Variants in TCAIM observed in about 807,000 individuals in gnomAD.
TCAIM encodes the protein T-cell activation inhibitor, mitochondrial.
TCAIM carries 36 observed loss-of-function variants against 58.6 expected under a neutral mutation model. That is an observed-to-expected ratio of 0.61 (90% CI 0.47 to 0.81). TCAIM has a LOEUF of 0.81. Ranked by LOEUF, TCAIM falls within the 30% of genes least tolerant of loss-of-function variation. TCAIM has a pLI of 0.00. For missense variants in TCAIM, 466 were observed against 579.6 expected, an observed-to-expected ratio of 0.80 and a Z score of 2.01; for synonymous variants, 172 against 193.6, an observed-to-expected ratio of 0.89 and a Z score of 0.93.
chr3:44,377,417 A>G (rs1474000536), intron 5 of TCAIM, among the ~76,000 whole-genome samples: 3 of 151,642 alleles, frequency 2.0e-5, no homozygotes, highest in African/African-American at 4.9e-5. Context: ...AAGTTCTACA[A>G]TAATGGCTGG....
At chr3:44,341,778 C>A (rs930690717) in intron 1 of TCAIM, among the ~76,000 whole-genome samples, 1 of 152,122 alleles carries the variant, frequency 6.6e-6, no homozygotes, top group South Asian at 2.1e-4. Flanking sequence ...TATGCATATT[C>A]TACTTAAGCT....
At chr3:44,343,456 AGT>A (rs1700897244) in intron 1 of TCAIM, among the ~76,000 whole-genome samples, 1 of 152,264 alleles carries the variant, frequency 6.6e-6, no homozygotes, top group Non-Finnish European at 1.5e-5. Flanking sequence ...AAAAAGTAAA[AGT>A]GAAATTAATT....
intron 5 of TCAIM, among the ~76,000 whole-genome samples, chr3:44,368,459 C>T (rs1230920720): frequency 6.6e-6 from 1 of 152,160 alleles, no homozygotes; most frequent in African/African-American, 2.4e-5. Context: ...TTCCTCCTTG[C>T]TACCTAGCTA....
At chr3:44,350,604 T>G (rs1701068273) in intron 1 of TCAIM, among the ~76,000 whole-genome samples, 1 of 152,012 alleles carries the variant, frequency 6.6e-6, no homozygotes, top group African/African-American at 2.4e-5. Context: ...ACTTTTTTGT[T>G]TTTTAGAGAC....
chr3:44,362,401 A>C (rs1575249050), intron 4 of TCAIM: 1 of 400,522 alleles, frequency 2.5e-6, no homozygotes, highest in Non-Finnish European at 4.4e-6. Flanking sequence ...TTTACACCTC[A>C]CCCTCCCCCG....
chr3:44,344,228 T>A (rs1005724825), intron 1 of TCAIM, among the ~76,000 whole-genome samples: 2 of 152,080 alleles, frequency 1.3e-5, no homozygotes, highest in Non-Finnish European at 2.9e-5. Context: ...GCCAGGCTGG[T>A]CTTGAACTCC....
At chr3:44,339,100 C>T (rs1700798986) in intron 1 of TCAIM, among the ~76,000 whole-genome samples, 1 of 40,762 alleles carries the variant, frequency 2.5e-5, no homozygotes, top group East Asian at 6.4e-4. Context: ...TACTAAATCT[C>T]ATATAGCGAG....
intron 4 of TCAIM, among the ~76,000 whole-genome samples, chr3:44,366,463 GTTTTTTTTT>G (rs11310204): frequency 1.2e-5 from 1 of 83,036 alleles, no homozygotes; most frequent in Non-Finnish European, 2.3e-5. Context: ...AATTTTTGTT[GTTTTTTTTT>G]TTTTTTTTTT....
Position 44,405,979 on chromosome 3 carries a change from T to G in TCAIM, c.1251-1463T>G, listed in dbSNP as rs1358728916. 9.4e-5 allele frequency among the ~76,000 whole-genome samples: 14 copies of G among 149,168 alleles called. No homozygotes were observed. The South Asian group carries it at 1.7e-3, about 18-fold the overall frequency. On this transcript the variant is annotated intron_variant, in intron 10 of 10. Coordinates refer to ENST00000342649, the MANE Select transcript of TCAIM (RefSeq NM_173826.4). ...AAAAAAAAAAAAAAAAAAATTAATC[T>G]CATGCTGACTGCAGAGGCACCCAAG... is the stretch of plus-strand genomic sequence containing the variant.
At chr3:44,378,700 A>G (rs939914755) in intron 5 of TCAIM, among the ~76,000 whole-genome samples, 1 of 151,388 alleles carries the variant, frequency 6.6e-6, no homozygotes, top group Non-Finnish European at 1.5e-5. Context: ...AATCTCAGCT[A>G]TTCAGGAGGC....
At chr3:44,382,476 C>T (rs750436885) in intron 5 of TCAIM, among the ~76,000 whole-genome samples, 9 of 152,154 alleles carry the variant, frequency 5.9e-5, no homozygotes, top group Non-Finnish European at 1.2e-4. Context: ...TGATTTTCAA[C>T]AAGAATGCCA....
At chr3:44,392,080 T>TA (rs1429426691) in intron 5 of TCAIM, among the ~76,000 whole-genome samples, 2 of 152,208 alleles carry the variant, frequency 1.3e-5, no homozygotes, top group South Asian at 2.1e-4. Flanking sequence ...ATTTTTAATT[T>TA]AAAAAAATAT....
chr3:44,357,947 A>G, intron 3 of TCAIM, 71 bp downstream of exon 3: 2 of 1,522,198 alleles, frequency 1.3e-6, no homozygotes, highest in Non-Finnish European at 1.8e-6. Context: ...AATATAATAC[A>G]TAGAGTTCTA....
chr3:44,341,102 A>G (rs186371856), intron 1 of TCAIM: 13 of 152,276 alleles, frequency 8.5e-5, no homozygotes, highest in African/African-American at 2.9e-4. Context: ...AACTGAATAT[A>G]TTTTTATATA....
intron 1 of TCAIM, chr3:44,340,547 C>T (rs1003526057): frequency 5.9e-5 from 9 of 152,166 alleles, no homozygotes; most frequent in African/African-American, 2.2e-4. Flanking sequence ...TGAAATCCTC[C>T]TTTGATTTTT....
Position 44,400,587 on chromosome 3 carries a change from G to GGT in TCAIM, c.1118+1_1118+2dup, listed in dbSNP as rs1370569441. The GGT allele has an allele frequency of 6.2e-6, 10 of 1,606,580 alleles. No homozygotes were observed. The highest frequency in any genetic ancestry group is 8.5e-6 in the Non-Finnish European group (10 of 1,174,158). ...CGTGGTTTACAAATGATCCTTAACA[G>GGT]GTAAATATCTAAGATAGAAGGATTA... On this transcript the variant is annotated frameshift_variant and splice_region_variant. Coordinates refer to ENST00000342649, the MANE Select transcript of TCAIM (RefSeq NM_173826.4). LOFTEE classifies it high-confidence loss of function.
At chr3:44,405,631 A>C (rs1052522609) in intron 10 of TCAIM, among the ~76,000 whole-genome samples, 4 of 151,736 alleles carry the variant, frequency 2.6e-5, no homozygotes, top group Non-Finnish European at 5.9e-5. Context: ...CATGGTCACG[A>C]CAGTGATACT....
At chr3:44,390,302 C>T (rs374495126) in intron 5 of TCAIM, among the ~76,000 whole-genome samples, 7 of 152,116 alleles carry the variant, frequency 4.6e-5, no homozygotes, top group Admixed American at 1.3e-4. Context: ...ACCTAGCACT[C>T]GCTTCAGCAG....
intron 5 of TCAIM, among the ~76,000 whole-genome samples, chr3:44,371,576 C>A (rs1413237077): frequency 6.6e-6 from 1 of 152,124 alleles, no homozygotes; most frequent in East Asian, 1.9e-4. Context: ...AATCCCTTTA[C>A]CAGCATGTCT....
Sources: gnomAD v4.1 joint callset for allele counts (sites outside exome capture counted in the v4.1 genomes callset) on GRCh38, gnomAD v4.1.1 for gene constraint, MANE v1.5 for transcripts, NCBI Gene and HGNC (gene_info 2026-07-23, HGNC 2026-07-21) for gene names.